The following ADAMTSL1 variants were observed in gnomAD, a reference collection of about 807,000 sequenced individuals.
The protein encoded by ADAMTSL1 is ADAMTS like 1.
A neutral mutation model predicts 201.8 loss-of-function variants in ADAMTSL1; 126 were observed. The ratio of observed to expected loss-of-function variants is 0.62; its 90% CI spans 0.54 to 0.72. ADAMTSL1 has a LOEUF of 0.72. ADAMTSL1 is among the 30% of genes least tolerant of loss of function. The pLI is 0.00. For missense variants in ADAMTSL1, 2,679 were observed against 2,277.8 expected (o/e 1.18, Z -3.59); for synonymous variants, 1,121 against 903.4 (o/e 1.24, Z -4.32).
At chr9:18,634,735 G>T (rs1307943864) in intron 5 of ADAMTSL1, among the ~76,000 whole-genome samples, 1 of 151,204 alleles carries the variant, frequency 6.6e-6, no homozygotes, top group African/African-American at 2.4e-5. Flanking sequence ...CTACTTGGGA[G>T]GCTGAGGCAG....
intron 1 of ADAMTSL1, among the ~76,000 whole-genome samples, chr9:18,026,741 C>T (rs1217256040): frequency 1.3e-5 from 2 of 151,974 alleles, no homozygotes; most frequent in Admixed American, 6.6e-5. Flanking sequence ...GAGAGGAGTC[C>T]CTCCTCCTCA....
intron 1 of ADAMTSL1, among the ~76,000 whole-genome samples, chr9:18,037,833 G>T (rs1195275279): frequency 6.6e-6 from 1 of 152,178 alleles, no homozygotes; most frequent in South Asian, 2.1e-4. Context: ...AATAGCATCT[G>T]AAGATTTATT....
intron 2 of ADAMTSL1, among the ~76,000 whole-genome samples, chr9:18,280,134 C>G (rs1474706441): frequency 6.6e-6 from 1 of 151,908 alleles, no homozygotes; most frequent in Non-Finnish European, 1.5e-5. Context: ...TGGGACCTGG[C>G]TAGGTACCAG....
chr9:18,686,993 CTT>C (rs1830879838), intron 13 of ADAMTSL1, among the ~76,000 whole-genome samples: 1 of 152,244 alleles, frequency 6.6e-6, no homozygotes. Context: ...AAAATTTACT[CTT>C]AGTGTAATGA....
chr9:18,139,827 G>A (rs771116670), intron 1 of ADAMTSL1, among the ~76,000 whole-genome samples: 2 of 151,950 alleles, frequency 1.3e-5, no homozygotes, highest in Admixed American at 6.6e-5. Context: ...ATATCTTGTG[G>A]TTCATCCCCT....
At chr9:18,898,385 A>G (rs1001473740) in intron 26 of ADAMTSL1, among the ~76,000 whole-genome samples, 1 of 152,240 alleles carries the variant, frequency 6.6e-6, no homozygotes, top group Admixed American at 6.5e-5. Context: ...ACAAGTATCA[A>G]TAGCGGAATA....
At chr9:18,568,168 G>T (rs1822059804) in intron 3 of ADAMTSL1, among the ~76,000 whole-genome samples, 1 of 152,166 alleles carries the variant, frequency 6.6e-6, no homozygotes, top group Non-Finnish European at 1.5e-5. Flanking sequence ...AAGCGAGGAG[G>T]TCTGAGTTGC....
chr9:18,147,776 C>T (rs939188431), intron 1 of ADAMTSL1, among the ~76,000 whole-genome samples: 1 of 152,010 alleles, frequency 6.6e-6, no homozygotes, highest in African/African-American at 2.4e-5. Context: ...TTCAGGGTTC[C>T]ACATAAGTAG....
intron 1 of ADAMTSL1, among the ~76,000 whole-genome samples, chr9:18,119,611 C>T (rs1005468895): frequency 6.6e-6 from 1 of 152,034 alleles, no homozygotes; most frequent in Non-Finnish European, 1.5e-5. Flanking sequence ...AGGTTGCTTT[C>T]CTTCTTTAGT....
intron 13 of ADAMTSL1, among the ~76,000 whole-genome samples, chr9:18,688,729 T>C (rs72688676): frequency 0.14 from 14,996 of 105,532 alleles, 1,414 homozygotes; most frequent in South Asian, 0.21. Context: ...TAAGAATGCC[T>C]AATCTCCTGG....
chr9:18,058,528 A>G (rs1467434523), intron 1 of ADAMTSL1, among the ~76,000 whole-genome samples: 1 of 150,256 alleles, frequency 6.7e-6, no homozygotes, highest in South Asian at 2.1e-4. Context: ...TTGTGAGCAT[A>G]TTTTTTTTTT....
chr9:18,037,859 A>G (rs1253772536), intron 1 of ADAMTSL1, among the ~76,000 whole-genome samples: 1 of 152,182 alleles, frequency 6.6e-6, no homozygotes, highest in East Asian at 1.9e-4. Context: ...AACAAAACAA[A>G]TGGTGCGCAA....
At chr9:18,739,897 A>ATGTG (rs1277770563) in intron 15 of ADAMTSL1, among the ~76,000 whole-genome samples, 22 of 98,306 alleles carry the variant, frequency 2.2e-4, no homozygotes, top group African/African-American at 8.3e-4. Flanking sequence ...CATGTCTACT[A>ATGTG]TCTGTGTGTG....
rs1239636522 is a variant in ADAMTSL1, at chr9:18,715,274, A to G, written c.1877-6262A>G. On this transcript the variant is annotated intron_variant, in intron 14 of 28. Coordinates refer to ENST00000380548, the MANE Select transcript of ADAMTSL1 (RefSeq NM_001040272.6). ...AGGAGAAGGAAATAAAGGGTATTCA[A>G]TTAGGAAAAGAGGAAGTCAAATTAT... Among the ~76,000 whole-genome samples the G allele has an allele frequency of 2.6e-5, 4 of 151,282 alleles. 1 individual carries two copies. The highest frequency in any genetic ancestry group is 2.0e-4 in the Admixed American group (3 of 15,114).
rs529180140 is a variant in ADAMTSL1, at chr9:18,310,214, G to A, written c.207+146233G>A. On this transcript the variant is annotated intron_variant, in intron 2 of 29. Coordinates refer to the ADAMTSL1 transcript ENST00000680146. ...AGATGGTATAAACACTTAAACATAA[G>A]CCCTAAAACCATAAAAATCCTAGAA... 3.3e-5 allele frequency among the ~76,000 whole-genome samples: 5 copies of A among 151,566 alleles called. No individual in the cohort carries two copies. The South Asian group carries it at 1.1e-3, about 32-fold the overall frequency.
chr9:18,098,255 T>A (rs1201943382), intron 1 of ADAMTSL1, among the ~76,000 whole-genome samples: 1 of 152,120 alleles, frequency 6.6e-6, no homozygotes, highest in African/African-American at 2.4e-5. Flanking sequence ...TTATCCAACT[T>A]TGTTCTTCCT....
chr9:18,417,003 A>AGAC (rs1354125501), intron 2 of ADAMTSL1, among the ~76,000 whole-genome samples: 1 of 151,646 alleles, frequency 6.6e-6, no homozygotes, highest in Non-Finnish European at 1.5e-5. Flanking sequence ...TTACCTCAAT[A>AGAC]GACTGTATTC....
intron 1 of ADAMTSL1, among the ~76,000 whole-genome samples, chr9:17,980,637 C>G (rs911616009): frequency 6.6e-6 from 1 of 151,898 alleles, no homozygotes; most frequent in African/African-American, 2.4e-5. Context: ...GCAATTGGGT[C>G]ATGAGGGTAG....
At chr9:18,032,054 C>T (rs1820982542) in intron 1 of ADAMTSL1, among the ~76,000 whole-genome samples, 1 of 152,182 alleles carries the variant, frequency 6.6e-6, no homozygotes, top group Admixed American at 6.5e-5. Context: ...AGCAGGCCCG[C>T]CCAGCTAGAT....
Sources: gnomAD v4.1 joint callset for allele counts (sites outside exome capture counted in the v4.1 genomes callset) on GRCh38, gnomAD v4.1.1 for gene constraint, MANE v1.5 for transcripts, NCBI Gene and HGNC (gene_info 2026-07-23, HGNC 2026-07-21) for gene names.